SYT1: variants seen among roughly 807,000 people sequenced by gnomAD.
SYT1 encodes the protein synaptotagmin-1.
A neutral mutation model predicts 44.8 loss-of-function variants in SYT1; 8 were observed. The ratio of observed to expected loss-of-function variants is 0.18; its 90% CI spans 0.10 to 0.32. The LOEUF (loss-of-function observed/expected upper bound fraction) is 0.32. SYT1 is among the 10% of genes least tolerant of loss of function. SYT1 has a pLI of 1.00. For missense variants in SYT1, 286 were observed against 509.3 expected (o/e 0.56, Z 4.22); for synonymous variants, 154 against 188.8 (o/e 0.82, Z 1.51).
chr12:79,448,949 AT>A lies in SYT1; in HGVS notation c.1095del (p.Tyr365Ter). The A allele has an allele frequency of 6.2e-7, 1 of 1,614,210 alleles. No individual in the cohort carries two copies. Among genetic ancestry groups the A allele is most frequent in the Non-Finnish European group, 8.5e-7 (1 of 1,180,024 alleles). On this transcript the variant is annotated frameshift_variant, in exon 11 of 11. Coordinates refer to ENST00000261205, the MANE Select transcript of SYT1 (RefSeq NM_005639.3). LOFTEE classifies it high-confidence loss of function. ...CAGGTGGTGGTAACTGTTTTGGACT[AT>A]GACAAGATTGGCAAGAACGATGCCA... ...KVQVVVTVLD[Y>X]DKIGKNDAIG... is the part of the protein sequence containing the mutation.
chr12:78,950,687 GA>G (rs1454041031), intron 1 of SYT1, among the ~76,000 whole-genome samples: 1 of 152,038 alleles, frequency 6.6e-6, no homozygotes, highest in Middle Eastern at 3.2e-3. Context: ...CAAACTGCAG[GA>G]AAGGCACTTT....
intron 9 of SYT1, among the ~76,000 whole-genome samples, chr12:79,434,500 G>A (rs1457585275): frequency 2.0e-5 from 3 of 152,122 alleles, no homozygotes; most frequent in African/African-American, 7.2e-5. Context: ...AACAGAAATT[G>A]TTTGCTCTGT....
At chr12:79,034,150 AG>A (rs967767267) in intron 2 of SYT1, among the ~76,000 whole-genome samples, 1 of 151,540 alleles carries the variant, frequency 6.6e-6, no homozygotes, top group African/African-American at 2.4e-5. Flanking sequence ...CAAAAGCCCC[AG>A]GAAAACTGAT....
intron 2 of SYT1, among the ~76,000 whole-genome samples, chr12:79,027,511 G>C (rs1209743791): frequency 6.6e-6 from 1 of 151,008 alleles, no homozygotes; most frequent in Non-Finnish European, 1.5e-5. Context: ...TTATATATAA[G>C]TATAACAAAT....
intron 4 of SYT1, among the ~76,000 whole-genome samples, chr12:79,224,051 T>A (rs1875337208): frequency 6.6e-6 from 1 of 152,300 alleles, no homozygotes; most frequent in South Asian, 2.1e-4. Context: ...TGAGCTTTCA[T>A]GTGGTTTCCT....
In SYT1 at chr12:79,292,054, A is replaced by C. The variant is rs779784782; in HGVS notation, c.398A>C (p.Glu133Ala). Residue 133 changes from glutamate (E) to alanine (A), a missense_variant, in exon 6 of 11, where the codon GAA (glutamate) becomes GCA (alanine). By Grantham distance (107) the Glu-to-Ala change is moderately radical (BLOSUM62 -1). This residue lies in a region of SYT1 where 141 missense variants were observed against 165.7 expected (regional missense o/e 0.85). Coordinates refer to ENST00000261205, the MANE Select transcript of SYT1 (RefSeq NM_005639.3). ...DAETGLTDGE[E>A]KEEPKEEEKL... is the part of the protein sequence containing the mutation. ...GAAACTGGATTGACAGATGGAGAAG[A>C]AAAAGAAGAACCCAAAGAAGAGGAG... is the stretch of plus-strand genomic sequence containing the variant. 20 of 1,614,006 alleles carry C rather than the reference A, an allele frequency of 1.2e-5. No homozygotes were observed. Among genetic ancestry groups the C allele is most frequent in the Non-Finnish European group, 2.5e-6 (3 of 1,180,004 alleles).
rs368239950 is a variant in SYT1, at chr12:79,312,540, T to C, written c.810+12989T>C. The stretch of plus-strand genomic sequence containing the variant: ...ATAAAAGAACAAAAAATGAACATGT[T>C]ATTTGTAAGTTGATGTGTAGTATCT... On this transcript the variant is annotated intron_variant, in intron 8 of 10. Transcript: ENST00000261205. Among the ~76,000 whole-genome samples the C allele has an allele frequency of 2.0e-5, 3 of 152,306 alleles. No homozygotes were observed. The South Asian group carries it at 6.2e-4, about 32-fold the overall frequency.
At chr12:79,093,097 G>T (rs998381045) in intron 3 of SYT1, among the ~76,000 whole-genome samples, 34 of 151,586 alleles carry the variant, frequency 2.2e-4, no homozygotes, top group Admixed American at 1.3e-4. Flanking sequence ...CTCAAAGAAG[G>T]TTAAACATCA....
intron 1 of SYT1, among the ~76,000 whole-genome samples, chr12:78,904,553 G>A (rs951485821): frequency 6.6e-5 from 10 of 152,016 alleles, no homozygotes; most frequent in South Asian, 2.1e-4. Flanking sequence ...CTCATGATAC[G>A]TAAGTCAACC....
rs533214210 is a variant in SYT1 at position 79,400,402 on chromosome 12, T to C, written c.929-43671T>C. 5.4e-4 allele frequency among the ~76,000 whole-genome samples: 82 copies of C among 152,300 alleles called. 1 individual carries two copies. The highest frequency in any genetic ancestry group is 1.9e-3 in the African/African-American group (80 of 41,570). ...CTCCTACTGCCTGCAAAATTAAGTT[T>C]TTTCCTATCTTCCTAGAACTTCTGG... On this transcript the variant is annotated intron_variant, in intron 9 of 10. Coordinates refer to ENST00000261205, the MANE Select transcript of SYT1 (RefSeq NM_005639.3).
At chr12:79,123,439 T>G (rs140562478) in intron 3 of SYT1, among the ~76,000 whole-genome samples, 110 of 151,964 alleles carry the variant, frequency 7.2e-4, no homozygotes, top group African/African-American at 2.5e-3. Flanking sequence ...TAATGTTTAT[T>G]TCATTTGGTC....
intron 4 of SYT1, among the ~76,000 whole-genome samples, chr12:79,246,271 A>G (rs1468921532): frequency 1.7e-4 from 26 of 151,688 alleles, no homozygotes; most frequent in Admixed American, 1.7e-3. Context: ...TTTCGCCTCT[A>G]CTCTTTTATT....
At chr12:78,971,619 A>T (rs1868390231) in intron 1 of SYT1, among the ~76,000 whole-genome samples, 1 of 152,178 alleles carries the variant, frequency 6.6e-6, no homozygotes, top group Admixed American at 6.5e-5. Context: ...TTGATAAGAA[A>T]ACAAACAAAT....
At chr12:78,883,422 G>A (rs2137059745) in intron 1 of SYT1, among the ~76,000 whole-genome samples, 1 of 151,638 alleles carries the variant, frequency 6.6e-6, no homozygotes, top group East Asian at 2.0e-4. Context: ...TTTAATGTGT[G>A]GTTTTGGTAA....
intron 3 of SYT1, among the ~76,000 whole-genome samples, chr12:79,081,063 G>A (rs1470020364): frequency 6.6e-6 from 1 of 152,152 alleles, no homozygotes; most frequent in East Asian, 1.9e-4. Flanking sequence ...AGGGTGGTGG[G>A]AATGGGTCTG....
At chr12:78,910,167 A>C (rs1465834271) in intron 1 of SYT1, among the ~76,000 whole-genome samples, 1 of 151,976 alleles carries the variant, frequency 6.6e-6, no homozygotes, top group Non-Finnish European at 1.5e-5. Flanking sequence ...AAGCTTCCTA[A>C]GGAAGGGCAG....
At chr12:79,160,502 G>C (rs1262180219) in intron 3 of SYT1, among the ~76,000 whole-genome samples, 1 of 152,132 alleles carries the variant, frequency 6.6e-6, no homozygotes, top group Non-Finnish European at 1.5e-5. Flanking sequence ...ACAGATTCAA[G>C]ACATACTGTG....
At chr12:78,956,725 G>T (rs1001957415) in intron 1 of SYT1, among the ~76,000 whole-genome samples, 2 of 152,080 alleles carry the variant, frequency 1.3e-5, no homozygotes, top group African/African-American at 4.8e-5. Context: ...TATGGAAAAT[G>T]TAGTTAAAAG....
intron 9 of SYT1, among the ~76,000 whole-genome samples, chr12:79,373,002 A>G (rs1442392738): frequency 1.3e-5 from 2 of 152,232 alleles, no homozygotes; most frequent in African/African-American, 4.8e-5. Flanking sequence ...ATAAATGATC[A>G]CAAATTCTAT....
Sources: gnomAD v4.1 joint callset for allele counts (sites outside exome capture counted in the v4.1 genomes callset) on GRCh38, gnomAD v4.1.1 for gene constraint, gnomAD v4.1.1 regional missense constraint, MANE v1.5 for transcripts, NCBI Gene and HGNC (gene_info 2026-07-23, HGNC 2026-07-21) for gene names.